Variants in UPF1 observed in about 807,000 individuals in gnomAD.
The protein encoded by UPF1 is UPF1 RNA helicase and ATPase, also known as regulator of nonsense transcripts 1.
UPF1 carries 9 observed loss-of-function variants against 129.2 expected under a neutral mutation model. The ratio of observed to expected loss-of-function variants is 0.07; its 90% CI spans 0.04 to 0.12. The LOEUF (loss-of-function observed/expected upper bound fraction) is 0.12. UPF1 is among the 10% of genes least tolerant of loss of function. The pLI is 1.00. For missense variants in UPF1, 788 were observed against 1,525.3 expected (o/e 0.52, Z 8.05); for synonymous variants, 649 against 644.9 (o/e 1.01, Z -0.10).
intron 18 of UPF1, 46 bp from the exon 19 acceptor site, chr19:18,863,392 C>T (rs2055802876): frequency 3.8e-6 from 6 of 1,592,916 alleles, no homozygotes; most frequent in South Asian, 2.2e-5. Context: ...TCCTGTGAGA[C>T]GGGCAGCTCT....
chr19:18,857,044 T>C (rs2055726471), intron 14 of UPF1, 24 bp downstream of exon 14: 10 of 1,597,788 alleles, frequency 6.3e-6, no homozygotes, highest in Non-Finnish European at 8.5e-6. Context: ...CCTGCCCTCC[T>C]GTGTGAAAAC....
At position 18,846,176 on chromosome 19, in the gene UPF1, T is replaced by C. The variant is rs540253566; in HGVS notation, c.371+57T>C. On this transcript the variant is annotated intron_variant, in intron 2 of 23. Coordinates refer to ENST00000262803, the MANE Select transcript of UPF1 (RefSeq NM_002911.4). ...GCTGGACAGGTGGGTGCCTCTGGCA[T>C]GGGCCTGGGACACTCACCTCCCAGG... 36 of 1,604,966 alleles carry C rather than the reference T, an allele frequency of 2.2e-5. No individual in the cohort carries two copies. In the African/African-American group the frequency reaches 3.5e-4, roughly 15 times the overall value.
intron 1 of UPF1, among the ~76,000 whole-genome samples, chr19:18,839,711 TC>T (rs2055521346): frequency 6.6e-6 from 1 of 152,176 alleles, no homozygotes; most frequent in South Asian, 2.1e-4. Flanking sequence ...GCCCTGGACT[TC>T]AGCCATCCCC....
intron 23 of UPF1, 67 bp downstream of exon 23, chr19:18,866,233 C>A: frequency 2.7e-6 from 4 of 1,486,078 alleles, no homozygotes; most frequent in Non-Finnish European, 3.6e-6. Flanking sequence ...GGGGGCTCTC[C>A]CCAGGGAGCT....
Position 18,850,376 on chromosome 19 carries a change from G to GGT in UPF1, c.629+136_629+137dup. The GGT allele has an allele frequency of 7.7e-7, 1 of 1,302,370 alleles. No homozygotes were observed. Among genetic ancestry groups the GGT allele is most frequent in the Non-Finnish European group, 1.0e-6 (1 of 967,992 alleles). The allele number at this position is 1,302,370 out of a possible 1,614,324, so 80.7% of individuals were successfully genotyped here. On this transcript the variant is annotated intron_variant, in intron 4 of 23. Transcript: ENST00000262803. The surrounding 1 kb of genome is among the most constrained non-coding windows in gnomAD (Gnocchi z 7.1). ...CCTCCAAAGATGGTTTTTGCTGAAG[G>GGT]GTGAGGCATGAGAGCGTTTAGGCGC... is the stretch of plus-strand genomic sequence containing the variant.
chr19:18,855,298 A>G (rs2055704620), intron 11 of UPF1, 56 bp downstream of exon 11: 30 of 1,573,900 alleles, frequency 1.9e-5, no homozygotes, highest in Middle Eastern at 3.7e-4. Context: ...GGGTGGCCAG[A>G]TGGAAGGCCT....
intron 1 of UPF1, chr19:18,833,092 C>G (rs1341240727): frequency 3.3e-5 from 5 of 152,364 alleles, no homozygotes; most frequent in Non-Finnish European, 5.9e-5. Context: ...ATTGGTGGGT[C>G]TGGCCGCCTG....
At chr19:18,857,665 A>G (rs2145961762) in intron 15 of UPF1, 132 bp downstream of exon 15, 1 of 1,058,134 alleles carries the variant, frequency 9.5e-7, no homozygotes, top group South Asian at 1.7e-5. Flanking sequence ...AGGTCAGGGC[A>G]CTTTGTGCCC....
intron 3 of UPF1, chr19:18,848,172 CA>C (rs1184072145): frequency 4.8e-5 from 13 of 273,340 alleles, no homozygotes; most frequent in African/African-American, 2.0e-4. Context: ...AACGGGCATC[CA>C]GGGGCGCTGG....
rs2055685692 is a variant in UPF1 at position 18,853,788 on chromosome 19, T to C, written c.1156+438T>C. On this transcript the variant is annotated intron_variant, in intron 8 of 23. Transcript: ENST00000262803. This position sits in a 1 kb window ranked among gnomAD's most constrained non-coding sequence, Gnocchi z 4.4. ...CTTGCTCCCAGGCCATGTTTGGGAA[T>C]GTGCAGTGACCTCATGGTGATGCAG... 6.6e-6 allele frequency among the ~76,000 whole-genome samples: 1 copy of C among 152,190 alleles called. No homozygotes were observed. The highest frequency in any genetic ancestry group is 1.9e-4 in the East Asian group (1 of 5,198).
intron 2 of UPF1, among the ~76,000 whole-genome samples, 175 bp downstream of exon 2, chr19:18,846,294 A>G (rs2055598037): frequency 6.6e-6 from 1 of 152,070 alleles, no homozygotes; most frequent in Non-Finnish European, 1.5e-5. Context: ...AAGGCCTGTT[A>G]CCGGTCAGGA....
chr19:18,860,987 G>T lies in UPF1; in HGVS notation c.2457+5G>T. 2 of 1,571,732 alleles carry T rather than the reference G, an allele frequency of 1.3e-6. No homozygotes were observed. Among genetic ancestry groups the T allele is most frequent in the Middle Eastern group, 1.7e-4 (1 of 5,890 alleles). On this transcript the variant is annotated splice_donor_5th_base_variant and intron_variant, in intron 17 of 23. Transcript: ENST00000262803. ...CTGCACACCAAGCTCTACCAGGTGC[G>T]CTGCGCCCTCGGGCACACTTGGTCT...
chr19:18,855,474 G>A (rs1156827539), intron 11 of UPF1: 8 of 600,916 alleles, frequency 1.3e-5, no homozygotes. Context: ...GGGGCAGGGG[G>A]GGCATGGCTG....
chr19:18,835,797 C>G (rs2055477754), intron 1 of UPF1, among the ~76,000 whole-genome samples: 1 of 152,176 alleles, frequency 6.6e-6, no homozygotes, highest in African/African-American at 2.4e-5. Context: ...CATGAGTGTA[C>G]AGGTTTCTGC....
Position 18,865,338 on chromosome 19 carries a change from C to T in UPF1, c.2907C>T (p.Ile969=). Residue 969 remains isoleucine (I), a synonymous_variant, in exon 21 of 24, where the codon ATC becomes ATT. Transcript: ENST00000262803. The surrounding 1 kb of genome is among the most constrained non-coding windows in gnomAD (Gnocchi z 6.1). ...YFQTHDQIGM[I]SAGPSHVAAM... ...AGACCCATGACCAGATTGGCATGAT[C>T]AGTGCCGGCCCTAGCCACGTGGCTG... The T allele has an allele frequency of 6.2e-7, 1 of 1,613,834 alleles. No individual in the cohort carries two copies. The highest frequency in any genetic ancestry group is 2.2e-5 in the East Asian group (1 of 44,870).
rs754930812 is a variant in UPF1 at position 18,867,652 on chromosome 19, T to C, written c.*1135T>C. ...GCCGGCAACTTTGCTGATGGGGTGA[T>C]TGCTGCTTCTGGGGGGTAAGGAAAC... On this transcript the variant is annotated 3_prime_UTR_variant, in exon 24 of 24. Coordinates refer to ENST00000262803, the MANE Select transcript of UPF1 (RefSeq NM_002911.4). The C allele has an allele frequency of 7.2e-5, 11 of 152,774 alleles. No individual in the cohort carries two copies. The highest frequency in any genetic ancestry group is 1.6e-4 in the Non-Finnish European group (11 of 68,482). 9.5% of individuals were successfully genotyped at this position (152,774 alleles called of 1,614,324 possible).
intron 18 of UPF1, 126 bp downstream of exon 18, chr19:18,862,278 C>T (rs569022636): frequency 7.8e-6 from 11 of 1,412,558 alleles, no homozygotes; most frequent in African/African-American, 4.3e-5. Flanking sequence ...AGTTGAGAAA[C>T]GATGTCTCAC....
At chr19:18,842,712 G>A (rs1339193283) in intron 1 of UPF1, among the ~76,000 whole-genome samples, 1 of 151,892 alleles carries the variant, frequency 6.6e-6, no homozygotes, top group Non-Finnish European at 1.5e-5. Flanking sequence ...AAAAAATTTG[G>A]GGGGGTGCTG....
chr19:18,849,610 A>G (rs2055636629), intron 3 of UPF1, among the ~76,000 whole-genome samples: 1 of 152,160 alleles, frequency 6.6e-6, no homozygotes, highest in Admixed American at 6.5e-5. Context: ...CCCGGCCTGC[A>G]GCAAAGCAGG....
Sources: allele counts gnomAD v4.1 joint callset (sites outside exome capture counted in the v4.1 genomes callset), GRCh38; gene constraint gnomAD v4.1.1; non-coding constraint Gnocchi (gnomAD v3.1); transcripts MANE v1.5; gene names NCBI Gene and HGNC (gene_info 2026-07-23, HGNC 2026-07-21).